CCDC148: variants seen among roughly 807,000 people sequenced by gnomAD.
CCDC148 encodes coiled-coil domain containing 148.
In CCDC148, 89 loss-of-function variants were observed where a neutral mutation model predicts 85.7. That is an observed-to-expected ratio of 1.04 (90% CI 0.87 to 1.24). The LOEUF (loss-of-function observed/expected upper bound fraction) is 1.24. CCDC148 is among the 50% of genes most tolerant of loss of function. The pLI is 0.00. For synonymous variants in CCDC148, 230 were observed against 213.9 expected, an observed-to-expected ratio of 1.08 and a Z score of -0.66; for missense variants, 692 against 671.7, an observed-to-expected ratio of 1.03 and a Z score of -0.33.
intron 10 of CCDC148, among the ~76,000 whole-genome samples, chr2:158,240,614 C>G (rs1017875352): frequency 5.9e-5 from 9 of 152,038 alleles, no homozygotes; most frequent in Middle Eastern, 3.2e-3. Flanking sequence ...TCACAGGGAC[C>G]TCTCTGCTAT....
intron 13 of CCDC148, among the ~76,000 whole-genome samples, chr2:158,174,761 T>C (rs900962493): frequency 6.6e-6 from 1 of 152,062 alleles, no homozygotes; most frequent in African/African-American, 2.4e-5. Flanking sequence ...TGCTAAGTAC[T>C]TGTGAAACTA....
At chr2:158,353,354 T>A (rs576332479) in intron 2 of CCDC148, among the ~76,000 whole-genome samples, 1 of 149,884 alleles carries the variant, frequency 6.7e-6, no homozygotes, top group Non-Finnish European at 1.5e-5. Context: ...GACACACACA[T>A]AGGCTGAAAA....
At chr2:158,422,092 A>G (rs966314334) in intron 1 of CCDC148, among the ~76,000 whole-genome samples, 7 of 152,218 alleles carry the variant, frequency 4.6e-5, no homozygotes, top group African/African-American at 1.2e-4. Context: ...TTGAGGCAAT[A>G]ATTAATAGCC....
At chr2:158,178,736 T>C (rs1192273705) in intron 12 of CCDC148, 143 bp downstream of exon 12, 3 of 607,302 alleles carry the variant, frequency 4.9e-6, no homozygotes, top group Non-Finnish European at 8.7e-6. Flanking sequence ...CTCCCAGGAA[T>C]GAACAGCAGT....
chr2:158,299,001 C>G (rs1017825749), intron 9 of CCDC148, among the ~76,000 whole-genome samples: 13 of 152,142 alleles, frequency 8.5e-5, no homozygotes, highest in Non-Finnish European at 1.9e-4. Flanking sequence ...GAGCCTTAGT[C>G]AGGAAGGCAC....
At chr2:158,312,560 G>A (rs1269695699) in intron 8 of CCDC148, among the ~76,000 whole-genome samples, 3 of 29,620 alleles carry the variant, frequency 1.0e-4, no homozygotes, top group Non-Finnish European at 1.7e-4. Context: ...CCAGCCTGGC[G>A]ACAGTGAGAA....
chr2:158,329,413 T>A (rs1692972088), intron 7 of CCDC148, among the ~76,000 whole-genome samples: 1 of 152,242 alleles, frequency 6.6e-6, no homozygotes, highest in Non-Finnish European at 1.5e-5. Context: ...TTTTGGTTAC[T>A]GTAGCCTTGT....
intron 10 of CCDC148, chr2:158,235,632 T>C (rs1181424389): frequency 6.6e-6 from 1 of 152,240 alleles, no homozygotes; most frequent in East Asian, 1.9e-4. Context: ...TACAACACCC[T>C]TCTTTAGTCT....
At chr2:158,449,223 TA>T (rs1180802223) in intron 1 of CCDC148, among the ~76,000 whole-genome samples, 1 of 152,214 alleles carries the variant, frequency 6.6e-6, no homozygotes, top group Non-Finnish European at 1.5e-5. Flanking sequence ...GTGACCTTGT[TA>T]AATTCATTTA....
intron 12 of CCDC148, 56 bp downstream of exon 12, chr2:158,178,823 C>T: frequency 1.6e-6 from 2 of 1,253,222 alleles, no homozygotes; most frequent in Non-Finnish European, 2.3e-6. Flanking sequence ...ATTAAGAGCA[C>T]TTAGAAACAT....
In CCDC148 at chr2:158,220,646, A is replaced by G. The variant is rs1483728064; in HGVS notation, c.1319T>C (p.Leu440Pro). The change falls in exon 11 of 14, where the codon CTA (leucine) becomes CCA (proline). Residue 440 changes from leucine (L) to proline (P), a missense_variant. Physicochemically the swap from Leu to Pro is moderately conservative, Grantham distance 98. Coordinates refer to ENST00000283233, the MANE Select transcript of CCDC148 (RefSeq NM_138803.4). ...QEMEMRDLQRLEELKKLIAEQ... is the reference protein window; with the variant it reads ...QEMEMRDLQRPEELKKLIAEQ... ...AGCGATTAATTTCTTCAGTTCTTCT[A>G]GACGCTGAAGATCTCTCATTTCCAT... The G allele has an allele frequency of 1.3e-6, 2 of 1,597,374 alleles. No homozygotes were observed. Among genetic ancestry groups the G allele is most frequent in the Admixed American group, 3.7e-5 (2 of 54,736 alleles).
chr2:158,431,944 A>G (rs1687373060), intron 1 of CCDC148, among the ~76,000 whole-genome samples: 1 of 152,192 alleles, frequency 6.6e-6, no homozygotes, highest in South Asian at 2.1e-4. Flanking sequence ...AAATGATACC[A>G]GATGGAAAAA....
At chr2:158,249,171 C>A (rs947784078) in intron 10 of CCDC148, among the ~76,000 whole-genome samples, 168 of 152,194 alleles carry the variant, frequency 1.1e-3, no homozygotes, top group African/African-American at 3.7e-3. Flanking sequence ...TTTGTAAACC[C>A]CCAGTAAATG....
chr2:158,371,491 C>T (rs1264399308), intron 1 of CCDC148, among the ~76,000 whole-genome samples: 2 of 151,818 alleles, frequency 1.3e-5, no homozygotes, highest in African/African-American at 4.8e-5. Context: ...TGCATTTAGC[C>T]CTGGTAGTCA....
At chr2:158,398,359 T>C (rs1685623653) in intron 1 of CCDC148, among the ~76,000 whole-genome samples, 1 of 152,114 alleles carries the variant, frequency 6.6e-6, no homozygotes, top group African/African-American at 2.4e-5. Context: ...TATTCTAAAA[T>C]TGACCACATA....
chr2:158,416,736 C>T (rs1201953844), intron 1 of CCDC148, among the ~76,000 whole-genome samples: 1 of 152,168 alleles, frequency 6.6e-6, no homozygotes, highest in Non-Finnish European at 1.5e-5. Flanking sequence ...TGCACTCTTC[C>T]AACCTCTCTG....
At chr2:158,347,181 C>T (rs1298539040) in intron 2 of CCDC148, among the ~76,000 whole-genome samples, 1 of 152,042 alleles carries the variant, frequency 6.6e-6, no homozygotes, top group Non-Finnish European at 1.5e-5. Context: ...GCAACAGATA[C>T]AACTTTTAAA....
At chr2:158,361,012 G>A (rs552632917) in intron 1 of CCDC148, among the ~76,000 whole-genome samples, 1 of 151,798 alleles carries the variant, frequency 6.6e-6, no homozygotes, top group East Asian at 2.0e-4. Flanking sequence ...CCCAGCACAA[G>A]AACTTTGTGA....
At chr2:158,418,098 G>A (rs1054242110) in intron 1 of CCDC148, among the ~76,000 whole-genome samples, 5 of 145,246 alleles carry the variant, frequency 3.4e-5, no homozygotes, top group Non-Finnish European at 3.0e-5. Flanking sequence ...TCCCTTGAGT[G>A]TTTTTTTTTT....
Sources: allele counts gnomAD v4.1 joint callset (sites outside exome capture counted in the v4.1 genomes callset), GRCh38; gene constraint gnomAD v4.1.1; transcripts MANE v1.5; gene names NCBI Gene and HGNC (gene_info 2026-07-23, HGNC 2026-07-21).